KDM2A: variants seen among roughly 807,000 people sequenced by gnomAD.
The protein encoded by KDM2A is lysine-specific demethylase 2A.
In KDM2A, 3 loss-of-function variants were observed where a neutral mutation model predicts 137.3. The ratio of observed to expected loss-of-function variants is 0.02; its 90% CI spans 0.01 to 0.06. The LOEUF (loss-of-function observed/expected upper bound fraction) is 0.06, where lower values mean the gene tolerates loss of function less well. Ranked by LOEUF, KDM2A falls within the 10% of genes least tolerant of loss-of-function variation. The pLI is 1.00. For missense variants in KDM2A, 738 were observed against 1,510.6 expected, an observed-to-expected ratio of 0.49 and a Z score of 8.48; for synonymous variants, 512 against 541.5, an observed-to-expected ratio of 0.95 and a Z score of 0.76.
chr11:67,182,084 C>G (rs1378855777), intron 5 of KDM2A, among the ~76,000 whole-genome samples, 192 bp downstream of exon 5: 1 of 152,190 alleles, frequency 6.6e-6, no homozygotes, highest in East Asian at 1.9e-4. Context: ...ACACATTAAA[C>G]CTAGAAAGTT....
intron 5 of KDM2A, chr11:67,196,896 A>G (rs1369280319): frequency 6.5e-6 from 1 of 154,796 alleles, no homozygotes; most frequent in Non-Finnish European, 1.4e-5. Context: ...ACCATTTTTT[A>G]CAAGTTGAAA....
chr11:67,200,254 T>TG, intron 5 of KDM2A, among the ~76,000 whole-genome samples: 2 of 152,136 alleles, frequency 1.3e-5, no homozygotes, highest in Admixed American at 1.3e-4. Flanking sequence ...CTCTCTCTGT[T>TG]GCCCAGGCTG....
chr11:67,191,526 A>G (rs755707103), intron 5 of KDM2A, among the ~76,000 whole-genome samples: 2 of 152,244 alleles, frequency 1.3e-5, no homozygotes, highest in Non-Finnish European at 2.9e-5. Flanking sequence ...TTCCTGGAAT[A>G]GATGATTTGA....
At chr11:67,191,145 G>A (rs975716826) in intron 5 of KDM2A, among the ~76,000 whole-genome samples, 1 of 152,074 alleles carries the variant, frequency 6.6e-6, no homozygotes, top group Admixed American at 6.5e-5. Context: ...CTGGGTTCAA[G>A]CGATTCCCTG....
At chr11:67,239,449 A>G (rs1299077279) in intron 12 of KDM2A, among the ~76,000 whole-genome samples, 1 of 152,240 alleles carries the variant, frequency 6.6e-6, no homozygotes, top group African/African-American at 2.4e-5. Flanking sequence ...ATTGGCTGAC[A>G]TGGGCCATTT....
intron 2 of KDM2A, among the ~76,000 whole-genome samples, chr11:67,138,481 T>A (rs1301309754): frequency 6.6e-6 from 1 of 152,068 alleles, no homozygotes; most frequent in East Asian, 1.9e-4. Context: ...TGGGAACTAG[T>A]TAGAAAGGGA....
intron 2 of KDM2A, among the ~76,000 whole-genome samples, chr11:67,147,195 C>T (rs1856270550): frequency 6.6e-6 from 1 of 152,036 alleles, no homozygotes. Flanking sequence ...TGTATTTCAT[C>T]CAGGCTTGGC....
intron 12 of KDM2A, among the ~76,000 whole-genome samples, chr11:67,237,372 TAGA>T (rs1292429847): frequency 1.3e-5 from 2 of 152,124 alleles, no homozygotes; most frequent in Non-Finnish European, 2.9e-5. Context: ...CTAATAGAAC[TAGA>T]AGAAGACCCA....
rs529924305 is a variant in KDM2A, at chr11:67,200,709, G to A, written c.308-6801G>A. Among the ~76,000 whole-genome samples the A allele has an allele frequency of 5.3e-5, 8 of 151,424 alleles. No individual in the cohort carries two copies. The South Asian group carries it at 1.5e-3, about 28-fold the overall frequency. On this transcript the variant is annotated intron_variant, in intron 5 of 20. Coordinates refer to ENST00000529006, the MANE Select transcript of KDM2A (RefSeq NM_012308.3). Reference sequence around the variant, plus strand: ...TTTGGTAGAGACACAGTTTGACCCTGTTACCCAGGCTGGTTTAGAACTCCT... The same window carrying A: ...TTTGGTAGAGACACAGTTTGACCCTATTACCCAGGCTGGTTTAGAACTCCT...
chr11:67,132,735 A>T (rs570630743), intron 2 of KDM2A, among the ~76,000 whole-genome samples: 1 of 152,326 alleles, frequency 6.6e-6, no homozygotes, highest in African/African-American at 2.4e-5. Context: ...AGTGGTTTTC[A>T]AAGTGTAGGT....
intron 6 of KDM2A, among the ~76,000 whole-genome samples, chr11:67,208,760 C>A (rs529428074): frequency 5.3e-4 from 77 of 146,458 alleles, no homozygotes; most frequent in African/African-American, 1.9e-3. Context: ...GACAGTGAGA[C>A]CCTGTCTCAA....
At chr11:67,143,642 TA>T (rs1856175022) in intron 2 of KDM2A, among the ~76,000 whole-genome samples, 1 of 151,928 alleles carries the variant, frequency 6.6e-6, no homozygotes, top group Non-Finnish European at 1.5e-5. Flanking sequence ...TTTATTTATT[TA>T]TTTTTTTGAG....
chr11:67,245,975 C>T lies in KDM2A; in HGVS notation c.1834-10C>T, dbSNP rs1188349027. The T allele has an allele frequency of 6.8e-6, 11 of 1,613,624 alleles. No individual in the cohort carries two copies. Among genetic ancestry groups the T allele is most frequent in the Non-Finnish European group, 9.3e-6 (11 of 1,179,664 alleles). ...CAGTTCTCTTGGATTCTATCTTTGT[C>T]CTCTTGTAGCCCAGACTGCCTCACT... is the stretch of plus-strand genomic sequence containing the variant. On this transcript the variant is annotated splice_polypyrimidine_tract_variant and intron_variant, in intron 14 of 20. Coordinates refer to ENST00000529006, the MANE Select transcript of KDM2A (RefSeq NM_012308.3). This position sits in a 1 kb window ranked among gnomAD's most constrained non-coding sequence, Gnocchi z 4.1.
At chr11:67,203,957 C>A (rs921547855) in intron 5 of KDM2A, among the ~76,000 whole-genome samples, 1 of 151,876 alleles carries the variant, frequency 6.6e-6, no homozygotes, top group South Asian at 2.1e-4. Context: ...CGTACCACCA[C>A]GCCCAGCTAA....
At chr11:67,198,922 A>G (rs544467303) in intron 5 of KDM2A, among the ~76,000 whole-genome samples, 140 of 151,902 alleles carry the variant, frequency 9.2e-4, no homozygotes, top group Admixed American at 2.3e-3. Flanking sequence ...GAGATTACTG[A>G]CATGCACCAC....
At chr11:67,122,702 G>A (rs1256252809) in intron 2 of KDM2A, among the ~76,000 whole-genome samples, 4 of 148,904 alleles carry the variant, frequency 2.7e-5, no homozygotes, top group African/African-American at 1.0e-4. Context: ...TTGAGACAGA[G>A]TCTGGCTCTG....
intron 2 of KDM2A, among the ~76,000 whole-genome samples, chr11:67,153,267 A>G (rs1856437059): frequency 6.6e-6 from 1 of 152,112 alleles, no homozygotes; most frequent in South Asian, 2.1e-4. Flanking sequence ...TACAGGTGTG[A>G]GCCACTGCAC....
intron 10 of KDM2A, among the ~76,000 whole-genome samples, chr11:67,220,447 T>A (rs1168037087): frequency 6.6e-6 from 1 of 152,190 alleles, no homozygotes; most frequent in Non-Finnish European, 1.5e-5. Context: ...AATTCATGTA[T>A]CTTTTTCTAC....
At chr11:67,224,828 A>AT (rs764581976) in intron 10 of KDM2A, among the ~76,000 whole-genome samples, 2,825 of 66,286 alleles carry the variant, frequency 0.043, 800 homozygotes, top group East Asian at 0.091. Context: ...CAGCTGCAGC[A>AT]TTTTTTTTTT....
Sources: gnomAD v4.1 joint callset for allele counts (sites outside exome capture counted in the v4.1 genomes callset) on GRCh38, gnomAD v4.1.1 for gene constraint, Gnocchi (gnomAD v3.1) non-coding constraint, MANE v1.5 for transcripts, NCBI Gene and HGNC (gene_info 2026-07-23, HGNC 2026-07-21) for gene names.